The following KCNN2 variants were observed in gnomAD, a reference collection of about 807,000 sequenced individuals.
KCNN2 encodes small conductance calcium-activated potassium channel protein 2.
A neutral mutation model predicts 55.5 loss-of-function variants in KCNN2; 24 were observed. The ratio of observed to expected loss-of-function variants is 0.43; its 90% CI spans 0.31 to 0.61. The LOEUF is 0.61. Among genes scored for constraint, KCNN2 ranks in the 20% least tolerant of loss-of-function variants. The pLI, the probability that KCNN2 is intolerant of heterozygous loss-of-function variation, is 0.08. For synonymous variants in KCNN2, 431 were observed against 336.1 expected, an observed-to-expected ratio of 1.28 and a Z score of -3.09; for missense variants, 754 against 853.6, an observed-to-expected ratio of 0.88 and a Z score of 1.45.
intron 1 of KCNN2, among the ~76,000 whole-genome samples, chr5:114,089,772 G>A (rs1296354671): frequency 6.6e-6 from 1 of 152,246 alleles, no homozygotes; most frequent in South Asian, 2.1e-4. Context: ...TGTAGCTTTT[G>A]TTTATAATGG....
At chr5:114,480,936 C>T (rs1282087707) in intron 5 of KCNN2, among the ~76,000 whole-genome samples, 1 of 152,102 alleles carries the variant, frequency 6.6e-6, no homozygotes, top group African/African-American at 2.4e-5. Context: ...AGAAGCATTC[C>T]CCTTGAAAAC....
rs13184901 is a variant in KCNN2, at chr5:114,260,695, T to A, written c.-185+39130T>A. Among the ~76,000 whole-genome samples the A allele has an allele frequency of 2.6e-5, 4 of 152,050 alleles. No individual in the cohort carries two copies. In the East Asian group the frequency reaches 5.8e-4, roughly 22 times the overall value. On this transcript the variant is annotated intron_variant, in intron 2 of 10. Transcript: ENST00000512097. ...AACTCTGTTTTGGTTCCTTTAGCTC[T>A]CTTTTTCTGAGAACAATTTAGGGAT...
At chr5:114,436,243 T>C (rs1186419465) in intron 3 of KCNN2, among the ~76,000 whole-genome samples, 2 of 152,238 alleles carry the variant, frequency 1.3e-5, no homozygotes, top group Non-Finnish European at 2.9e-5. Context: ...TACAGTATTT[T>C]ACATTGGGTT....
At chr5:114,417,894 G>T (rs888561228) in intron 3 of KCNN2, among the ~76,000 whole-genome samples, 2 of 152,154 alleles carry the variant, frequency 1.3e-5, no homozygotes, top group Admixed American at 1.3e-4. Flanking sequence ...TAGCCACAGA[G>T]CCCAGAGCCC....
intron 2 of KCNN2, among the ~76,000 whole-genome samples, chr5:114,367,166 G>C (rs1051251660): frequency 1.3e-5 from 2 of 152,166 alleles, no homozygotes; most frequent in African/African-American, 4.8e-5. Context: ...GATGGTTCAG[G>C]TGAGTCATGG....
At chr5:114,464,874 T>A (rs1356624776) in intron 4 of KCNN2, among the ~76,000 whole-genome samples, 1 of 151,540 alleles carries the variant, frequency 6.6e-6, no homozygotes, top group Non-Finnish European at 1.5e-5. Context: ...CCTTTTTTCC[T>A]CAAATAATAG....
At chr5:114,278,544 A>C (rs3101086) in intron 2 of KCNN2, among the ~76,000 whole-genome samples, 2 of 151,900 alleles carry the variant, frequency 1.3e-5, no homozygotes, top group African/African-American at 4.8e-5. Context: ...TACATTGTGA[A>C]CATAGAACCA....
intron 1 of KCNN2, among the ~76,000 whole-genome samples, chr5:114,141,913 G>A (rs960346573): frequency 4.6e-5 from 7 of 152,166 alleles, no homozygotes; most frequent in Non-Finnish European, 8.8e-5. Context: ...GTGTCTGTTG[G>A]CTGCATAGAT....
At chr5:114,099,299 A>G (rs1751327580) in intron 1 of KCNN2, among the ~76,000 whole-genome samples, 1 of 152,110 alleles carries the variant, frequency 6.6e-6, no homozygotes, top group Middle Eastern at 3.2e-3. Context: ...AGATTATAGC[A>G]TTATAAAAAA....
intron 1 of KCNN2, among the ~76,000 whole-genome samples, chr5:114,121,276 C>G (rs1012484678): frequency 6.6e-5 from 10 of 152,150 alleles, no homozygotes; most frequent in African/African-American, 2.4e-4. Context: ...CAAAGGGTAT[C>G]TTGGTAAGTT....
chr5:114,414,547 T>G (rs899158390), intron 3 of KCNN2, among the ~76,000 whole-genome samples: 3 of 152,138 alleles, frequency 2.0e-5, no homozygotes, highest in Non-Finnish European at 4.4e-5. Context: ...CCCTGATAGT[T>G]CCAATGCTGT....
intron 3 of KCNN2, among the ~76,000 whole-genome samples, chr5:114,455,846 C>T (rs1245162406): frequency 1.3e-5 from 2 of 152,170 alleles, no homozygotes; most frequent in Non-Finnish European, 2.9e-5. Context: ...AAGCCTAATC[C>T]ATACAAGGTC....
intron 1 of KCNN2, among the ~76,000 whole-genome samples, chr5:114,107,235 T>G (rs1159511121): frequency 6.6e-6 from 1 of 152,108 alleles, no homozygotes; most frequent in African/African-American, 2.4e-5. Flanking sequence ...GTTCTCTATT[T>G]TGTTCCAACA....
At position 114,148,096 on chromosome 5, in the gene KCNN2, C is replaced by G. The variant is rs528556316; in HGVS notation, c.-270-73384C>G. Among the ~76,000 whole-genome samples, 19 of 152,280 alleles carry G rather than the reference C, an allele frequency of 1.2e-4. No individual in the cohort carries two copies. The South Asian group carries it at 2.9e-3, about 23-fold the overall frequency. ...CTGTTAATCATTCCTTGAGGTAAAA[C>G]TTTCCATTCATATCTAGCTGTAGGA... On this transcript the variant is annotated intron_variant, in intron 1 of 10. Coordinates refer to the KCNN2 transcript ENST00000512097.
intron 2 of KCNN2, among the ~76,000 whole-genome samples, chr5:114,376,404 C>T (rs1019669407): frequency 6.6e-6 from 1 of 152,204 alleles, no homozygotes; most frequent in Admixed American, 6.5e-5. Context: ...TGTGCAAGAA[C>T]ACAGGTGGCT....
chr5:114,456,939 G>A (rs553379173), intron 3 of KCNN2, among the ~76,000 whole-genome samples: 1 of 152,092 alleles, frequency 6.6e-6, no homozygotes, highest in Admixed American at 6.6e-5. Flanking sequence ...TTCTTGAGAT[G>A]GAATCTACTC....
At chr5:114,258,556 T>C (rs1197938087) in intron 2 of KCNN2, among the ~76,000 whole-genome samples, 1 of 152,192 alleles carries the variant, frequency 6.6e-6, no homozygotes, top group Non-Finnish European at 1.5e-5. Context: ...TATTTCTTCC[T>C]GGTTCAATCT....
intron 5 of KCNN2, among the ~76,000 whole-genome samples, chr5:114,476,723 C>T (rs976034435): frequency 6.6e-6 from 1 of 151,980 alleles, no homozygotes; most frequent in Admixed American, 6.6e-5. Flanking sequence ...ACCTGGCCGA[C>T]AGATCCATTT....
chr5:114,115,038 G>A (rs1170759602), intron 1 of KCNN2, among the ~76,000 whole-genome samples: 1 of 152,102 alleles, frequency 6.6e-6, no homozygotes, highest in Non-Finnish European at 1.5e-5. Flanking sequence ...ATACCTATGA[G>A]TTAATAGAAT....
Sources: allele counts gnomAD v4.1 joint callset (sites outside exome capture counted in the v4.1 genomes callset), GRCh38; gene constraint gnomAD v4.1.1; transcripts MANE v1.5; gene names NCBI Gene and HGNC (gene_info 2026-07-23, HGNC 2026-07-21).